Variants in ZNF346 observed in about 807,000 individuals in gnomAD.
The protein encoded by ZNF346 is double-stranded RNA-binding zinc finger protein JAZ.
A neutral mutation model predicts 33.7 loss-of-function variants in ZNF346; 23 were observed. The observed-to-expected ratio is 0.68, with a 90% CI of 0.49 to 0.97. The LOEUF is 0.97. ZNF346 is among the 50% of genes least tolerant of loss of function. ZNF346 has a pLI of 0.00. For missense variants in ZNF346, 340 were observed against 371.1 expected, an observed-to-expected ratio of 0.92 and a Z score of 0.69; for synonymous variants, 134 against 142.4, an observed-to-expected ratio of 0.94 and a Z score of 0.42.
At chr5:177,073,177 G>A (rs1783585488) in intron 8 of ZNF346, among the ~76,000 whole-genome samples, 1 of 152,188 alleles carries the variant, frequency 6.6e-6, no homozygotes, top group Admixed American at 6.5e-5. Flanking sequence ...CTGCATCCCT[G>A]GTCCCTAGCA....
rs572793515 is a variant in ZNF346, at chr5:177,064,747, G to A, written c.*148G>A. 3.0e-6 allele frequency: 2 copies of A among 666,180 alleles called. No individual in the cohort carries two copies. Among genetic ancestry groups the A allele is most frequent in the South Asian group, 1.8e-5 (1 of 56,344 alleles). The allele number at this position is 666,180 out of a possible 1,614,324, so 41.3% of individuals were successfully genotyped here. On this transcript the variant is annotated 3_prime_UTR_variant, in exon 7 of 7. Coordinates refer to ENST00000358149, the MANE Select transcript of ZNF346 (RefSeq NM_012279.4). Reference sequence around the variant, plus strand: ...TTGGGCCACAGACAGCCTCTCATTGGTCCGGGCTAATTCACTCCTGCTGCT... The same window carrying A: ...TTGGGCCACAGACAGCCTCTCATTGATCCGGGCTAATTCACTCCTGCTGCT...
chr5:177,025,785 A>G (rs1776674623), intron 1 of ZNF346, among the ~76,000 whole-genome samples: 1 of 152,064 alleles, frequency 6.6e-6, no homozygotes, highest in Admixed American at 6.6e-5. Context: ...TTTATTATAG[A>G]TATGATTTCC....
chr5:177,057,773 C>T (rs980626222), intron 5 of ZNF346, among the ~76,000 whole-genome samples: 3 of 150,736 alleles, frequency 2.0e-5, no homozygotes, highest in African/African-American at 7.3e-5. Context: ...TGTTCTACAC[C>T]TTCACTCTGA....
chr5:177,050,963 G>T (rs374080219), intron 5 of ZNF346, 27 bp downstream of exon 5: 32 of 1,594,698 alleles, frequency 2.0e-5, no homozygotes, highest in Non-Finnish European at 2.8e-5. Context: ...CACACCCAGA[G>T]CTGGACCAGG....
In ZNF346 at chr5:177,048,777, CT is replaced by C. The variant is rs1371679454; in HGVS notation, c.518-1965del. Among the ~76,000 whole-genome samples the C allele has an allele frequency of 9.0e-4, 123 of 136,476 alleles. No individual in the cohort carries two copies. The South Asian group carries it at 0.01, about 11-fold the overall frequency. The allele number at this position is 136,476 out of a possible 152,430, so 89.5% of individuals were successfully genotyped here. On this transcript the variant is annotated intron_variant, in intron 4 of 6. Coordinates refer to ENST00000358149, the MANE Select transcript of ZNF346 (RefSeq NM_012279.4). ...AGATTGATGTGTAACTTGTTTTTTT[CT>C]TTTTTTTTCTTTTTTTTTTTTTTTG...
chr5:177,036,134 G>A (rs746820389), intron 1 of ZNF346, among the ~76,000 whole-genome samples: 7 of 152,074 alleles, frequency 4.6e-5, no homozygotes, highest in African/African-American at 7.2e-5. Context: ...TGGAGCATCT[G>A]GGAGCTAGAG....
downstream of ZNF346, among the ~76,000 whole-genome samples, chr5:177,068,059 A>AAAAATTAGCTG (rs1321562940): frequency 3.4e-5 from 4 of 118,960 alleles, no homozygotes; most frequent in African/African-American, 5.9e-5. Context: ...AGTAGAATCC[A>AAAAATTAGCTG]GTTCTCTAGA....
intron 1 of ZNF346, among the ~76,000 whole-genome samples, chr5:177,032,137 G>A (rs965619483): frequency 6.7e-6 from 1 of 150,242 alleles, no homozygotes. Context: ...CGAGTAACTG[G>A]GATTATAGGT....
chr5:177,058,427 C>T (rs184615568), intron 5 of ZNF346, among the ~76,000 whole-genome samples: 1 of 151,964 alleles, frequency 6.6e-6, no homozygotes, highest in East Asian at 2.0e-4. Context: ...GCCGAGATCA[C>T]GCCATTGCAC....
intron 1 of ZNF346, among the ~76,000 whole-genome samples, chr5:177,028,519 T>TATATATATAA (rs1777182382): frequency 7.2e-6 from 1 of 139,360 alleles, no homozygotes; most frequent in African/African-American, 2.7e-5. Context: ...TATATATATA[T>TATATATATAA]ATTTCCCTCC....
downstream of ZNF346, among the ~76,000 whole-genome samples, chr5:177,072,177 G>A (rs955402812): frequency 6.6e-6 from 1 of 152,246 alleles, no homozygotes; most frequent in African/African-American, 2.4e-5. Flanking sequence ...ACAGGAGAAA[G>A]TCAGGGACAA....
At chr5:177,055,388 A>C (rs1238037612) in intron 5 of ZNF346, among the ~76,000 whole-genome samples, 1 of 152,136 alleles carries the variant, frequency 6.6e-6, no homozygotes, top group Non-Finnish European at 1.5e-5. Context: ...AATTTTGGGC[A>C]CTAAAAGAAC....
chr5:177,027,307 C>T (rs1776932525), intron 1 of ZNF346, among the ~76,000 whole-genome samples: 2 of 152,038 alleles, frequency 1.3e-5, no homozygotes, highest in African/African-American at 4.8e-5. Flanking sequence ...CCTCAGCCTC[C>T]CAAAGTGCTG....
At chr5:177,070,785 C>T (rs577130508), downstream of ZNF346, among the ~76,000 whole-genome samples, 24 of 151,978 alleles carry the variant, frequency 1.6e-4, no homozygotes, top group African/African-American at 5.8e-4. Flanking sequence ...CTGACTGAGG[C>T]GGGGGGAAAA....
In ZNF346 at chr5:177,064,841, G is replaced by A. The variant is rs1296142674; in HGVS notation, c.*242G>A. 4.0e-6 allele frequency: 2 copies of A among 504,348 alleles called. No individual in the cohort carries two copies. Among genetic ancestry groups the A allele is most frequent in the South Asian group, 2.8e-5 (1 of 35,224 alleles). The allele number at this position is 504,348 out of a possible 1,614,324, so 31.2% of individuals were successfully genotyped here. On this transcript the variant is annotated 3_prime_UTR_variant, in exon 7 of 7. Transcript: ENST00000358149. ...GGTATTGAGAGACTCGGGGTCTCGC[G>A]GGGTGGTAGTTTGGAGGGTGGCTTT...
rs545769331 is a variant in ZNF346 at position 177,066,195 on chromosome 5, G to A, written c.*1596G>A. Among the ~76,000 whole-genome samples the A allele has an allele frequency of 6.6e-6, 1 of 150,820 alleles. No homozygotes were observed. Among genetic ancestry groups the A allele is most frequent in the African/African-American group, 2.4e-5 (1 of 40,978 alleles). On this transcript the variant is annotated 3_prime_UTR_variant, in exon 7 of 7. Transcript: ENST00000358149. Reference sequence around the variant, plus strand: ...TCCACCACCTTCTCCTGCTTCTCCTGTCACATAGGGCCTCATGAAGGTCTT... The same window carrying A: ...TCCACCACCTTCTCCTGCTTCTCCTATCACATAGGGCCTCATGAAGGTCTT...
In ZNF346 at chr5:177,066,395, C is replaced by T. The variant is rs925673547; in HGVS notation, c.*1796C>T. On this transcript the variant is annotated 3_prime_UTR_variant, in exon 7 of 7. Transcript: ENST00000358149. ...AGAGACCCAGCCTTATTCATCTCTACTTCCTGATGTCCATAGTGGTGTGTC... is the reference window on the plus strand; with the variant it reads ...AGAGACCCAGCCTTATTCATCTCTATTTCCTGATGTCCATAGTGGTGTGTC... Among the ~76,000 whole-genome samples the T allele has an allele frequency of 2.6e-5, 4 of 152,040 alleles. No individual in the cohort carries two copies. Among genetic ancestry groups the T allele is most frequent in the African/African-American group, 9.7e-5 (4 of 41,380 alleles).
At chr5:177,031,182 T>G (rs1777639621) in intron 1 of ZNF346, among the ~76,000 whole-genome samples, 1 of 152,104 alleles carries the variant, frequency 6.6e-6, no homozygotes, top group East Asian at 1.9e-4. Flanking sequence ...ATTACAGGCA[T>G]GCGCCCCACA....
intron 8 of ZNF346, among the ~76,000 whole-genome samples, chr5:177,073,913 C>T (rs932915920): frequency 1.3e-5 from 2 of 152,012 alleles, no homozygotes; most frequent in African/African-American, 4.8e-5. Context: ...CATGACTGTA[C>T]GACTTCCAAG....
Sources: gnomAD v4.1 joint callset for allele counts (sites outside exome capture counted in the v4.1 genomes callset) on GRCh38, gnomAD v4.1.1 for gene constraint, MANE v1.5 for transcripts, NCBI Gene and HGNC (gene_info 2026-07-23, HGNC 2026-07-21) for gene names.